C1QTNF3: variants seen among roughly 807,000 people sequenced by gnomAD.
The protein encoded by C1QTNF3 is C1q and TNF related 3.
C1QTNF3 carries 26 observed loss-of-function variants against 32.6 expected under a neutral mutation model. The observed-to-expected ratio is 0.80, with a 90% CI of 0.58 to 1.11. C1QTNF3 has a LOEUF of 1.11. Among genes scored for constraint, C1QTNF3 ranks in the 50% least tolerant of loss-of-function variants. The pLI, the probability that C1QTNF3 is intolerant of heterozygous loss-of-function variation, is 0.00. For missense variants in C1QTNF3, 362 were observed against 398.2 expected, an observed-to-expected ratio of 0.91 and a Z score of 0.77; for synonymous variants, 155 against 146.0, an observed-to-expected ratio of 1.06 and a Z score of -0.44.
the C1QTNF3 span, among the ~76,000 whole-genome samples, chr5:34,236,021 TAC>T: frequency 6.6e-6 from 1 of 152,324 alleles, no homozygotes; most frequent in Middle Eastern, 3.4e-3. Context: ...CTTCCAAGAC[TAC>T]TGTAGAATTG....
the C1QTNF3 span, among the ~76,000 whole-genome samples, chr5:34,129,505 G>A: frequency 2.6e-5 from 4 of 152,124 alleles, no homozygotes; most frequent in Non-Finnish European, 5.9e-5. Context: ...AATTATTAGA[G>A]GCGATGGGTA....
the C1QTNF3 span, among the ~76,000 whole-genome samples, chr5:34,131,861 A>C: frequency 6.6e-6 from 1 of 152,228 alleles, no homozygotes; most frequent in Admixed American, 6.5e-5. Context: ...TTTATGTATC[A>C]AAATATCACT....
the C1QTNF3 span, among the ~76,000 whole-genome samples, chr5:34,209,910 A>G: frequency 5.1e-4 from 77 of 152,232 alleles, 1 homozygote; most frequent in South Asian, 0.014. Context: ...TCAATAGTAA[A>G]TCTGCCAATA....
At chr5:34,084,573 A>G in the C1QTNF3 span, among the ~76,000 whole-genome samples, 1 of 151,202 alleles carries the variant, frequency 6.6e-6, no homozygotes, top group South Asian at 2.1e-4. Context: ...CCCTCTGCAT[A>G]TTTGGATACT....
chr5:34,168,830 C>G, the C1QTNF3 span: 1 of 152,112 alleles, frequency 6.6e-6, no homozygotes, highest in Non-Finnish European at 1.5e-5. Context: ...ATCGGGCCAC[C>G]TAGTTACTAT....
chr5:34,134,300 A>G, the C1QTNF3 span, among the ~76,000 whole-genome samples: 2 of 152,042 alleles, frequency 1.3e-5, no homozygotes, highest in African/African-American at 4.8e-5. Context: ...CCATTTGCAC[A>G]GTCATAACAT....
the C1QTNF3 span, among the ~76,000 whole-genome samples, chr5:34,127,101 T>C: frequency 6.6e-6 from 1 of 152,052 alleles, no homozygotes; most frequent in Admixed American, 6.6e-5. Context: ...CAATTAAAAC[T>C]TTTTTTTATA....
At chr5:34,073,306 G>A in the C1QTNF3 span, among the ~76,000 whole-genome samples, 2 of 149,740 alleles carry the variant, frequency 1.3e-5, no homozygotes, top group African/African-American at 2.5e-5. Flanking sequence ...AAGCCTGGGC[G>A]ACAGAGCGAG....
the C1QTNF3 span, among the ~76,000 whole-genome samples, chr5:34,233,720 GGTTT>G: frequency 4.0e-5 from 6 of 151,234 alleles, no homozygotes; most frequent in East Asian, 3.9e-4. Context: ...TTTTGTTGTT[GGTTT>G]GTTTGTTTTG....
At chr5:34,075,479 G>T in the C1QTNF3 span, among the ~76,000 whole-genome samples, 1 of 151,550 alleles carries the variant, frequency 6.6e-6, no homozygotes, top group Non-Finnish European at 1.5e-5. Flanking sequence ...GAATAGAGAT[G>T]ATATATTAAG....
chr5:34,118,476 T>G, the C1QTNF3 span, among the ~76,000 whole-genome samples: 1 of 152,222 alleles, frequency 6.6e-6, no homozygotes, highest in African/African-American at 2.4e-5. Flanking sequence ...AACAACACAT[T>G]CACTCAGCTT....
intron 4 of C1QTNF3, among the ~76,000 whole-genome samples, chr5:34,024,912 A>C (rs1754423056): frequency 1.3e-5 from 2 of 152,258 alleles, no homozygotes; most frequent in African/African-American, 4.8e-5. Flanking sequence ...TCCATGTTAC[A>C]TTTTAAACTA....
the C1QTNF3 span, among the ~76,000 whole-genome samples, chr5:34,225,326 C>T: frequency 1.3e-5 from 2 of 151,956 alleles, no homozygotes; most frequent in African/African-American, 4.8e-5. Context: ...TCTGCACTAA[C>T]ATTGTTTTGT....
At chr5:34,044,129 T>G (rs1479495254), upstream of C1QTNF3, among the ~76,000 whole-genome samples, 1 of 152,180 alleles carries the variant, frequency 6.6e-6, no homozygotes, top group East Asian at 1.9e-4. Flanking sequence ...AAACACGTTA[T>G]TTCAAACACA....
At chr5:34,028,710 A>G in intron 4 of C1QTNF3, 44 bp downstream of exon 4, 3 of 1,523,704 alleles carry the variant, frequency 2.0e-6, no homozygotes, top group Non-Finnish European at 2.7e-6. Flanking sequence ...TGTCTTTATT[A>G]TTACATTGAT....
the C1QTNF3 span, among the ~76,000 whole-genome samples, chr5:34,233,480 AT>A: frequency 6.7e-6 from 1 of 148,408 alleles, no homozygotes; most frequent in South Asian, 2.2e-4. Context: ...GTGGTCTTTC[AT>A]TTGTTCAAAC....
At chr5:34,196,059 G>A in the C1QTNF3 span, among the ~76,000 whole-genome samples, 10 of 151,316 alleles carry the variant, frequency 6.6e-5, no homozygotes, top group African/African-American at 2.5e-4. Flanking sequence ...TAGGAAGCAG[G>A]CCCTCTTTAA....
chr5:34,219,221 T>A, the C1QTNF3 span, among the ~76,000 whole-genome samples: 1 of 152,040 alleles, frequency 6.6e-6, no homozygotes, highest in African/African-American at 2.4e-5. Flanking sequence ...CCACTGAAAG[T>A]AGTAATTACA....
chr5:34,062,206 G>A, the C1QTNF3 span, among the ~76,000 whole-genome samples: 1 of 152,142 alleles, frequency 6.6e-6, no homozygotes, highest in South Asian at 2.1e-4. Context: ...GCTGGGCTGG[G>A]TTCCTGAGTA....
Sources: allele counts gnomAD v4.1 joint callset (sites outside exome capture counted in the v4.1 genomes callset), GRCh38; gene constraint gnomAD v4.1.1; transcripts MANE v1.5; gene names NCBI Gene and HGNC (gene_info 2026-07-23, HGNC 2026-07-21).